PRDM5: variants seen among roughly 807,000 people sequenced by gnomAD.
The protein encoded by PRDM5 is PR domain zinc finger protein 5.
A neutral mutation model predicts 81.2 loss-of-function variants in PRDM5; 56 were observed. That is an observed-to-expected ratio of 0.69 (90% confidence interval 0.56 to 0.86). The LOEUF is 0.86. Ranked by LOEUF, PRDM5 falls within the 40% of genes least tolerant of loss-of-function variation. PRDM5 has a pLI of 0.00. For missense variants in PRDM5, 697 were observed against 770.1 expected, an observed-to-expected ratio of 0.91 and a Z score of 1.12; for synonymous variants, 267 against 256.4, an observed-to-expected ratio of 1.04 and a Z score of -0.39.
downstream of PRDM5, among the ~76,000 whole-genome samples, chr4:120,687,811 T>C (rs1733892287): frequency 1.3e-5 from 2 of 152,132 alleles, no homozygotes; most frequent in African/African-American, 2.4e-5. Context: ...TTCAATCCCC[T>C]TTTCTCTTGT....
At chr4:120,777,156 T>G (rs1748282073) in intron 13 of PRDM5, 32 bp downstream of exon 13, 6 of 1,612,886 alleles carry the variant, frequency 3.7e-6, no homozygotes, top group Non-Finnish European at 5.1e-6. Flanking sequence ...CTCTAAGTGG[T>G]TTTTTCACTA....
At chr4:120,742,515 A>G (rs1447277248) in intron 14 of PRDM5, among the ~76,000 whole-genome samples, 1 of 152,152 alleles carries the variant, frequency 6.6e-6, no homozygotes, top group Non-Finnish European at 1.5e-5. Flanking sequence ...AAAGGCAAAG[A>G]AGTTGAAAAC....
chr4:120,895,448 A>G (rs1415341998), intron 2 of PRDM5: 1 of 152,266 alleles, frequency 6.6e-6, no homozygotes, highest in Admixed American at 6.5e-5. Flanking sequence ...CAAAGAATGC[A>G]AAATTTCTAA....
chr4:120,747,787 T>C (rs1743356333), intron 14 of PRDM5, among the ~76,000 whole-genome samples: 1 of 152,222 alleles, frequency 6.6e-6, no homozygotes, highest in Admixed American at 6.5e-5. Context: ...TAAGAACTAA[T>C]TTGGCTGTTT....
At chr4:120,744,279 C>A (rs1311451560) in intron 14 of PRDM5, among the ~76,000 whole-genome samples, 2 of 152,134 alleles carry the variant, frequency 1.3e-5, no homozygotes, top group Non-Finnish European at 2.9e-5. Context: ...ACATTCAAAG[C>A]AGTGTGTAGA....
At chr4:120,732,213 G>A (rs1740365083) in intron 14 of PRDM5, among the ~76,000 whole-genome samples, 1 of 152,070 alleles carries the variant, frequency 6.6e-6, no homozygotes, top group Non-Finnish European at 1.5e-5. Context: ...TCTTAAGACT[G>A]AATATATTAT....
chr4:120,776,632 T>G (rs1010943202), intron 13 of PRDM5, among the ~76,000 whole-genome samples: 1 of 152,196 alleles, frequency 6.6e-6, no homozygotes, highest in Non-Finnish European at 1.5e-5. Context: ...TGAAGTATAT[T>G]TAGTTGTTCA....
chr4:120,828,634 AT>A (rs1228647374), intron 3 of PRDM5, among the ~76,000 whole-genome samples: 1 of 152,074 alleles, frequency 6.6e-6, no homozygotes, highest in African/African-American at 2.4e-5. Context: ...ATAATTTTTT[AT>A]TCTTTCTCTT....
At chr4:120,871,412 G>C (rs1761770896) in intron 2 of PRDM5, among the ~76,000 whole-genome samples, 1 of 152,134 alleles carries the variant, frequency 6.6e-6, no homozygotes, top group Admixed American at 6.5e-5. Flanking sequence ...TTCCAGGTCT[G>C]TGTCTAACAG....
intron 3 of PRDM5, among the ~76,000 whole-genome samples, chr4:120,846,740 A>G (rs1467095477): frequency 1.3e-5 from 2 of 152,174 alleles, no homozygotes; most frequent in African/African-American, 4.8e-5. Context: ...CCAATAAAGT[A>G]AGCATTATTA....
chr4:120,751,801 C>T (rs568212877), intron 14 of PRDM5, among the ~76,000 whole-genome samples: 2 of 152,322 alleles, frequency 1.3e-5, no homozygotes, highest in South Asian at 2.1e-4. Context: ...TTTTGGAAAG[C>T]ATTCGTGCAG....
At chr4:120,740,681 C>T (rs1238815016) in intron 14 of PRDM5, among the ~76,000 whole-genome samples, 3 of 152,124 alleles carry the variant, frequency 2.0e-5, no homozygotes, top group Non-Finnish European at 4.4e-5. Context: ...CATGTGGGTC[C>T]CTATTCCTGC....
chr4:120,727,681 A>T (rs1739625657), intron 14 of PRDM5, among the ~76,000 whole-genome samples: 1 of 152,150 alleles, frequency 6.6e-6, no homozygotes, highest in Non-Finnish European at 1.5e-5. Flanking sequence ...CACGCATGTA[A>T]TCCCAACACT....
intron 14 of PRDM5, among the ~76,000 whole-genome samples, chr4:120,750,240 G>A (rs1260157795): frequency 6.6e-6 from 1 of 152,156 alleles, no homozygotes; most frequent in Non-Finnish European, 1.5e-5. Flanking sequence ...AGGCAGAAAT[G>A]CTGATAAACC....
chr4:120,764,659 T>C (rs13147610), intron 13 of PRDM5, among the ~76,000 whole-genome samples: 26,993 of 152,050 alleles, frequency 0.18, 2,825 homozygotes, highest in Non-Finnish European at 0.24. Flanking sequence ...AGTGTCAACA[T>C]AACACTGAGA....
intron 1 of PRDM5, among the ~76,000 whole-genome samples, chr4:120,921,684 T>G (rs567918791): frequency 3.9e-5 from 6 of 152,302 alleles, no homozygotes; most frequent in South Asian, 2.1e-4. Flanking sequence ...TCTAACAAGT[T>G]ATAATATTAT....
chr4:120,734,391 A>AACACACACAC (rs71597096), intron 14 of PRDM5, among the ~76,000 whole-genome samples: 1 of 147,520 alleles, frequency 6.8e-6, no homozygotes, highest in African/African-American at 2.5e-5. Context: ...ATGTTAGTGG[A>AACACACACAC]ACACACACAC....
chr4:120,867,535 C>T (rs1264677903), intron 2 of PRDM5, among the ~76,000 whole-genome samples: 1 of 152,096 alleles, frequency 6.6e-6, no homozygotes, highest in East Asian at 1.9e-4. Context: ...CATAAGGAAA[C>T]TATTGACCAT....
At chr4:120,763,001 GA>G (rs1350795609) in intron 13 of PRDM5, among the ~76,000 whole-genome samples, 1 of 152,146 alleles carries the variant, frequency 6.6e-6, no homozygotes, top group Non-Finnish European at 1.5e-5. Flanking sequence ...TCAAATAAGA[GA>G]ACCCTTACTT....
Sources: allele counts gnomAD v4.1 joint callset (sites outside exome capture counted in the v4.1 genomes callset), GRCh38; gene constraint gnomAD v4.1.1; transcripts MANE v1.5; gene names NCBI Gene and HGNC (gene_info 2026-07-23, HGNC 2026-07-21).